The following PRKCE variants were observed in gnomAD, a reference collection of about 807,000 sequenced individuals.
The protein encoded by PRKCE is protein kinase C epsilon.
In PRKCE, 16 loss-of-function variants were observed where a neutral mutation model predicts 85.4. The observed-to-expected ratio is 0.19, with a 90% CI of 0.13 to 0.28. PRKCE has a LOEUF of 0.28. Among genes scored for constraint, PRKCE ranks in the 10% least tolerant of loss-of-function variants. The pLI, the probability that PRKCE is intolerant of heterozygous loss-of-function variation, is 1.00. For missense variants in PRKCE, 573 were observed against 975.2 expected, an observed-to-expected ratio of 0.59 and a Z score of 5.49; for synonymous variants, 388 against 371.5, an observed-to-expected ratio of 1.04 and a Z score of -0.51.
At chr2:45,830,962 C>T (rs6721727) in intron 1 of PRKCE, among the ~76,000 whole-genome samples, 12,560 of 152,162 alleles carry the variant, frequency 0.083, 745 homozygotes, top group African/African-American at 0.16. Flanking sequence ...AATGGATTTC[C>T]AAGACAGTGG....
In PRKCE at chr2:45,653,321, G is replaced by A. The variant is rs1041051208; in HGVS notation, c.348+873G>A. On this transcript the variant is annotated intron_variant, in intron 1 of 14. Transcript: ENST00000306156. ...GCATCCAGTCTTGGCACTTGGACAA[G>A]CAGAGAGAAGCAAACCTTCATTTTG... Among the ~76,000 whole-genome samples, 3 of 147,664 alleles carry A rather than the reference G, an allele frequency of 2.0e-5. No homozygotes were observed. In the Admixed American group the frequency reaches 2.0e-4, roughly 10 times the overall value.
chr2:45,893,949 G>A (rs1264883014), intron 2 of PRKCE, among the ~76,000 whole-genome samples: 1 of 152,078 alleles, frequency 6.6e-6, no homozygotes, highest in Non-Finnish European at 1.5e-5. Context: ...CTGTTTCCGG[G>A]CAAGGGACTT....
Position 45,800,174 on chromosome 2 carries a change from A to G in PRKCE, c.349-42826A>G, listed in dbSNP as rs185677991. On this transcript the variant is annotated intron_variant, in intron 1 of 14. Transcript: ENST00000306156. ...CGGCTGGATACTTGATAGTGTGTTAAAGCAAAGGCATGGAGCAGTATGCTA... is the reference window on the plus strand; with the variant it reads ...CGGCTGGATACTTGATAGTGTGTTAGAGCAAAGGCATGGAGCAGTATGCTA... Among the ~76,000 whole-genome samples the G allele has an allele frequency of 9.2e-5, 14 of 152,338 alleles. No individual in the cohort carries two copies. In the East Asian group the frequency reaches 2.3e-3, roughly 25 times the overall value.
chr2:45,908,341 G>C (rs1208817617), intron 2 of PRKCE, among the ~76,000 whole-genome samples: 1 of 152,182 alleles, frequency 6.6e-6, no homozygotes, highest in African/African-American at 2.4e-5. Flanking sequence ...GCAATACACA[G>C]CCAGAAACGG....
At chr2:45,667,931 C>A (rs1281447806) in intron 1 of PRKCE, among the ~76,000 whole-genome samples, 1 of 152,088 alleles carries the variant, frequency 6.6e-6, no homozygotes, top group African/African-American at 2.4e-5. Context: ...AGTCGTGTGA[C>A]CTTTTGACAA....
chr2:45,881,652 G>A (rs1380747312), intron 2 of PRKCE, among the ~76,000 whole-genome samples: 3 of 152,110 alleles, frequency 2.0e-5, no homozygotes, highest in Non-Finnish European at 4.4e-5. Flanking sequence ...TATGTGGTAG[G>A]TGCTATAGTC....
intron 11 of PRKCE, among the ~76,000 whole-genome samples, chr2:46,099,206 C>T (rs1415589218): frequency 3.9e-5 from 6 of 152,232 alleles, no homozygotes; most frequent in South Asian, 2.1e-4. Context: ...TACTCAAAGC[C>T]ACCCATAAGC....
At chr2:45,808,113 C>T (rs1313129542) in intron 1 of PRKCE, among the ~76,000 whole-genome samples, 3 of 152,048 alleles carry the variant, frequency 2.0e-5, no homozygotes, top group Non-Finnish European at 4.4e-5. Context: ...TAACCCTCAC[C>T]ACCTGAGCCT....
At chr2:45,977,510 G>A (rs1313469740) in intron 3 of PRKCE, among the ~76,000 whole-genome samples, 3 of 152,030 alleles carry the variant, frequency 2.0e-5, no homozygotes, top group East Asian at 1.9e-4. Flanking sequence ...GGTGGTGTGC[G>A]CCTGTAATCC....
At chr2:46,082,484 T>C (rs966756982) in intron 10 of PRKCE, among the ~76,000 whole-genome samples, 4 of 151,848 alleles carry the variant, frequency 2.6e-5, no homozygotes. Context: ...TTTGGACATA[T>C]TGGGCTTGAG....
chr2:45,856,076 T>C lies in PRKCE; in HGVS notation c.412+13013T>C, dbSNP rs951538608. 2.6e-5 allele frequency among the ~76,000 whole-genome samples: 4 copies of C among 151,220 alleles called. No homozygotes were observed. The Admixed American group carries it at 2.6e-4, about 10-fold the overall frequency. On this transcript the variant is annotated intron_variant, in intron 2 of 14. Coordinates refer to ENST00000306156, the MANE Select transcript of PRKCE (RefSeq NM_005400.3). The stretch of plus-strand genomic sequence containing the variant: ...TTTCTTTCTTTTAAAAAAATTTTTT[T>C]AAAAAATTATAATCGATACATAATA...
chr2:46,041,595 G>A lies in PRKCE; in HGVS notation c.1437+31078G>A, dbSNP rs1035655362. Reference sequence around the variant, plus strand: ...AAGTATTGGCCCAAGTAACCCACAAGGCAGTGATCTGGATCTGTTTACCAA... The same window carrying A: ...AAGTATTGGCCCAAGTAACCCACAAAGCAGTGATCTGGATCTGTTTACCAA... On this transcript the variant is annotated intron_variant, in intron 10 of 14. Coordinates refer to ENST00000306156, the MANE Select transcript of PRKCE (RefSeq NM_005400.3). This position sits in a 1 kb window ranked among gnomAD's most constrained non-coding sequence, Gnocchi z 5.5. Among the ~76,000 whole-genome samples the A allele has an allele frequency of 1.3e-5, 2 of 152,172 alleles. No individual in the cohort carries two copies. The highest frequency in any genetic ancestry group is 4.8e-5 in the African/African-American group (2 of 41,434).
chr2:46,123,917 G>A (rs1446601791), intron 11 of PRKCE, among the ~76,000 whole-genome samples: 1 of 152,248 alleles, frequency 6.6e-6, no homozygotes, highest in African/African-American at 2.4e-5. Context: ...GGCATGCACT[G>A]ATTGACAGGG....
At chr2:45,980,006 C>T (rs1283259951) in intron 4 of PRKCE, among the ~76,000 whole-genome samples, 1 of 152,008 alleles carries the variant, frequency 6.6e-6, no homozygotes, top group African/African-American at 2.4e-5. Flanking sequence ...TTGACCTTGG[C>T]GTATTGAAGT....
At chr2:45,914,493 A>G (rs1433693534) in intron 2 of PRKCE, among the ~76,000 whole-genome samples, 1 of 152,148 alleles carries the variant, frequency 6.6e-6, no homozygotes, top group African/African-American at 2.4e-5. Context: ...GTGGTCCAGG[A>G]AGTGTGCGAG....
chr2:45,980,119 G>A (rs1156587333), intron 4 of PRKCE, among the ~76,000 whole-genome samples, 177 bp from the exon 5 acceptor site: 1 of 152,184 alleles, frequency 6.6e-6, no homozygotes, highest in Middle Eastern at 3.2e-3. Flanking sequence ...TGATGGCTCT[G>A]ATAGGACAGT....
At chr2:45,962,254 C>A (rs1248372586) in intron 2 of PRKCE, among the ~76,000 whole-genome samples, 1 of 152,162 alleles carries the variant, frequency 6.6e-6, no homozygotes, top group African/African-American at 2.4e-5. Flanking sequence ...TTCCTACTTT[C>A]CCCCCAGGGC....
At chr2:46,012,764 C>G (rs113326436) in intron 10 of PRKCE, among the ~76,000 whole-genome samples, 46 of 152,322 alleles carry the variant, frequency 3.0e-4, no homozygotes, top group African/African-American at 1.1e-3. Context: ...TCTTCAATGT[C>G]AGCAGTGTTC....
chr2:45,975,208 A>C (rs1326046368), intron 2 of PRKCE, among the ~76,000 whole-genome samples: 2 of 152,200 alleles, frequency 1.3e-5, no homozygotes, highest in South Asian at 4.1e-4. Flanking sequence ...TCGAGGGTTC[A>C]TTGAGATGTA....
Sources: allele counts gnomAD v4.1 joint callset (sites outside exome capture counted in the v4.1 genomes callset), GRCh38; gene constraint gnomAD v4.1.1; non-coding constraint Gnocchi (gnomAD v3.1); transcripts MANE v1.5; gene names NCBI Gene and HGNC (gene_info 2026-07-23, HGNC 2026-07-21).